TLN2: variants seen among roughly 807,000 people sequenced by gnomAD.
The protein encoded by TLN2 is talin 2, also known as talin-2.
Under a neutral mutation model 294.7 loss-of-function variants are expected in TLN2, and 118 were observed. That is an observed-to-expected ratio of 0.40 (90% confidence interval 0.34 to 0.47). The LOEUF (loss-of-function observed/expected upper bound fraction) is 0.47, where lower values mean the gene tolerates loss of function less well. Ranked by LOEUF, TLN2 falls within the 20% of genes least tolerant of loss-of-function variation. The probability of loss-of-function intolerance (pLI) is 0.84; values close to 1 mark genes in which losing one functional copy is unlikely to be tolerated. For missense variants in TLN2, 3,083 were observed against 3,282.2 expected, an observed-to-expected ratio of 0.94 and a Z score of 1.48; for synonymous variants, 1,431 against 1,304.5, an observed-to-expected ratio of 1.10 and a Z score of -2.09.
intron 3 of TLN2, among the ~76,000 whole-genome samples, chr15:62,622,302 G>A (rs1172563956): frequency 1.3e-5 from 2 of 152,182 alleles, no homozygotes; most frequent in South Asian, 2.1e-4. Context: ...GTGGAAAAGG[G>A]TGTGAGTGTG....
intron 2 of TLN2, among the ~76,000 whole-genome samples, chr15:62,614,542 C>T (rs1455299480): frequency 3.9e-5 from 6 of 152,200 alleles, no homozygotes; most frequent in East Asian, 1.9e-4. Context: ...CTTTCTATCC[C>T]GCCACCTCTC....
intron 19 of TLN2, among the ~76,000 whole-genome samples, chr15:62,704,587 C>A (rs994996372): frequency 1.3e-5 from 2 of 152,202 alleles, no homozygotes; most frequent in Admixed American, 1.3e-4. Context: ...GGGACTCATT[C>A]ATATCCTGCA....
chr15:62,829,899 T>G (rs1253550426), intron 54 of TLN2: 1 of 152,234 alleles, frequency 6.6e-6, no homozygotes, highest in Non-Finnish European at 1.5e-5. Flanking sequence ...ATGTTTGTCT[T>G]TCTGTGCCTG....
At chr15:62,539,123 C>T (rs1371070229) in intron 1 of TLN2, among the ~76,000 whole-genome samples, 1 of 152,202 alleles carries the variant, frequency 6.6e-6, no homozygotes, top group Non-Finnish European at 1.5e-5. Flanking sequence ...TCTCTCCCTG[C>T]TCTTCCCTTC....
chr15:62,582,427 A>G (rs1441652364), intron 1 of TLN2, among the ~76,000 whole-genome samples: 3 of 152,184 alleles, frequency 2.0e-5, no homozygotes, highest in African/African-American at 7.2e-5. Context: ...CTTGCCCTGT[A>G]AGAGCTCACA....
chr15:62,823,654 T>C (rs544233556), intron 54 of TLN2, among the ~76,000 whole-genome samples: 55 of 152,330 alleles, frequency 3.6e-4, no homozygotes, highest in African/African-American at 1.2e-3. Flanking sequence ...GAATGGCTCA[T>C]GGTCTTTGAT....
At chr15:62,715,218 C>T (rs2059691141) in intron 22 of TLN2, among the ~76,000 whole-genome samples, 1 of 152,184 alleles carries the variant, frequency 6.6e-6, no homozygotes, top group African/African-American at 2.4e-5. Flanking sequence ...ATAAATAGCT[C>T]AAAGAAATAG....
chr15:62,787,277 T>C (rs1453206029), intron 45 of TLN2, among the ~76,000 whole-genome samples: 1 of 152,166 alleles, frequency 6.6e-6, no homozygotes, highest in Non-Finnish European at 1.5e-5. Context: ...CCCAAGCAAA[T>C]TATATTTGAC....
At chr15:62,667,173 A>G (rs7167647) in intron 9 of TLN2, among the ~76,000 whole-genome samples, 4,532 of 152,082 alleles carry the variant, frequency 0.03, 193 homozygotes, top group African/African-American at 0.096. Context: ...TCACCATGTT[A>G]GCCAGGATGG....
chr15:62,555,974 T>G (rs1034374822), intron 1 of TLN2, among the ~76,000 whole-genome samples: 1 of 151,582 alleles, frequency 6.6e-6, no homozygotes, highest in African/African-American at 2.4e-5. Flanking sequence ...GGTTTTTCTC[T>G]TCCAGTTGGA....
chr15:62,490,745 A>G (rs759796282), intron 1 of TLN2, among the ~76,000 whole-genome samples: 14 of 152,090 alleles, frequency 9.2e-5, no homozygotes, highest in Admixed American at 2.0e-4. Flanking sequence ...CTTTTTCTAC[A>G]CAAGTCCTCT....
intron 1 of TLN2, among the ~76,000 whole-genome samples, chr15:62,589,290 A>G (rs1331328817): frequency 6.6e-6 from 1 of 152,222 alleles, no homozygotes; most frequent in Non-Finnish European, 1.5e-5. Context: ...GCTAAATAGG[A>G]AAAAAAGAAG....
intron 1 of TLN2, among the ~76,000 whole-genome samples, chr15:62,405,719 G>T (rs1226667030): frequency 6.6e-6 from 1 of 152,152 alleles, no homozygotes. Flanking sequence ...GGAGAAGCTG[G>T]TGGGGAACCA....
At chr15:62,687,365 G>A (rs1019133337) in intron 12 of TLN2, among the ~76,000 whole-genome samples, 3 of 152,196 alleles carry the variant, frequency 2.0e-5, no homozygotes, top group Non-Finnish European at 4.4e-5. Flanking sequence ...GCTATAAAAT[G>A]GTGATAGTCC....
chr15:62,453,768 C>G (rs141809035), intron 1 of TLN2: 41 of 152,458 alleles, frequency 2.7e-4, no homozygotes, highest in African/African-American at 9.6e-4. Flanking sequence ...TTGAATCCCT[C>G]TCTCTGTGTT....
intron 1 of TLN2, among the ~76,000 whole-genome samples, chr15:62,547,874 G>A (rs549557506): frequency 2.7e-5 from 4 of 148,764 alleles, no homozygotes; most frequent in Non-Finnish European, 5.9e-5. Context: ...CTCTGAAATT[G>A]CTGTCTATCC....
intron 45 of TLN2, among the ~76,000 whole-genome samples, chr15:62,786,541 A>G (rs901524453): frequency 1.3e-5 from 2 of 152,232 alleles, no homozygotes; most frequent in Admixed American, 6.5e-5. Flanking sequence ...TCGAGATCCT[A>G]TGAGCCACAA....
chr15:62,747,947 C>A (rs1055446356), intron 32 of TLN2, among the ~76,000 whole-genome samples: 6 of 151,970 alleles, frequency 3.9e-5, no homozygotes, highest in African/African-American at 1.5e-4. Flanking sequence ...ATTGAGTAGG[C>A]AGCGGAGGAG....
At chr15:62,603,244 A>G (rs948718655) in intron 2 of TLN2, among the ~76,000 whole-genome samples, 5 of 151,862 alleles carry the variant, frequency 3.3e-5, no homozygotes, top group Non-Finnish European at 5.9e-5. Flanking sequence ...CTCCTACCCC[A>G]TAGGTAACAA....
Sources: allele counts gnomAD v4.1 joint callset (sites outside exome capture counted in the v4.1 genomes callset), GRCh38; gene constraint gnomAD v4.1.1; transcripts MANE v1.5; gene names NCBI Gene and HGNC (gene_info 2026-07-23, HGNC 2026-07-21).